The following PCDHGA10 variants were observed in gnomAD, a reference collection of about 807,000 sequenced individuals.
The protein encoded by PCDHGA10 is protocadherin gamma-A10.
In PCDHGA10, 42 loss-of-function variants were observed where a neutral mutation model predicts 59.5. The ratio of observed to expected loss-of-function variants is 0.71; its 90% CI spans 0.55 to 0.91. The LOEUF is 0.91. Among genes scored for constraint, PCDHGA10 ranks in the 40% least tolerant of loss-of-function variants. The pLI is 0.00. For missense variants in PCDHGA10, 1,111 were observed against 1,198.2 expected (o/e 0.93, Z 1.07); for synonymous variants, 511 against 517.2 (o/e 0.99, Z 0.16).
rs924491576 is a variant in PCDHGA10, at chr5:141,491,579, C to T, written c.2437-3228C>T. On this transcript the variant is annotated intron_variant, in intron 1 of 3. Coordinates refer to ENST00000398610, the MANE Select transcript of PCDHGA10 (RefSeq NM_018913.3). This position sits in a 1 kb window ranked among gnomAD's most constrained non-coding sequence, Gnocchi z 6.9. ...CACTGCTACAGGACGTGCTTTTCAC[C>T]GGCCTCGGACGGCAGTGACTTCACT... is the stretch of plus-strand genomic sequence containing the variant. 18 of 1,613,810 alleles carry T rather than the reference C, an allele frequency of 1.1e-5. No homozygotes were observed. Among genetic ancestry groups the T allele is most frequent in the Non-Finnish European group, 1.4e-5 (17 of 1,180,044 alleles).
intron 1 of PCDHGA10, among the ~76,000 whole-genome samples, chr5:141,438,296 A>G (rs902991313): frequency 6.6e-6 from 1 of 152,034 alleles, no homozygotes; most frequent in Non-Finnish European, 1.5e-5. Context: ...CTGTATGTAA[A>G]AGAAGTTGGT....
At chr5:141,461,830 CTT>C (rs1030113508) in intron 1 of PCDHGA10, among the ~76,000 whole-genome samples, 1 of 145,180 alleles carries the variant, frequency 6.9e-6, no homozygotes, top group Non-Finnish European at 1.5e-5. Context: ...ATTTTTTTTT[CTT>C]TTTTTTTTGA....
In PCDHGA10 at chr5:141,491,759, G is replaced by C. The variant is rs746395685; in HGVS notation, c.2437-3048G>C. 3 of 1,575,392 alleles carry C rather than the reference G, an allele frequency of 1.9e-6. No individual in the cohort carries two copies. Among genetic ancestry groups the C allele is most frequent in the Non-Finnish European group, 2.6e-6 (3 of 1,161,808 alleles). ...GGGGGCGGCACTGGAGAAGCCGCCC[G>C]TCCTCATAAGGGATTGAACTTGCAT... On this transcript the variant is annotated intron_variant, in intron 1 of 3. Coordinates refer to ENST00000398610, the MANE Select transcript of PCDHGA10 (RefSeq NM_018913.3). The surrounding 1 kb of genome is among the most constrained non-coding windows in gnomAD (Gnocchi z 6.9).
At position 141,430,919 on chromosome 5, in the gene PCDHGA10, C is replaced by A. The variant is rs377613499; in HGVS notation, c.2436+15308C>A. The A allele has an allele frequency of 6.2e-7, 1 of 1,607,492 alleles. No homozygotes were observed. Among genetic ancestry groups the A allele is most frequent in the Admixed American group, 1.7e-5 (1 of 58,806 alleles). The stretch of plus-strand genomic sequence containing the variant: ...GGGCGACATCTCCAGGGACCTGGGG[C>A]TGGAGCCCCGGGAGCTCGCGGAGCG... On this transcript the variant is annotated intron_variant, in intron 1 of 3. Transcript: ENST00000398610.
At position 141,510,842 on chromosome 5, in the gene PCDHGA10, G is replaced by A. The variant is rs531098325; in HGVS notation, c.2585-105G>A. 8.7e-5 allele frequency: 138 copies of A among 1,590,280 alleles called. No homozygotes were observed. The African/African-American group carries it at 1.7e-3, about 19-fold the overall frequency. ...TATTCCCAGTGCTCAGCGTGGTCAA[G>A]GCCCAGGGTGCTGTATAGGCATTCA... On this transcript the variant is annotated intron_variant, in intron 3 of 3. Coordinates refer to ENST00000398610, the MANE Select transcript of PCDHGA10 (RefSeq NM_018913.3).
At chr5:141,443,499 A>T (rs533910381) in intron 1 of PCDHGA10, among the ~76,000 whole-genome samples, 1 of 152,268 alleles carries the variant, frequency 6.6e-6, no homozygotes, top group African/African-American at 2.4e-5. Context: ...ACAAACAAAC[A>T]AATAAAGAGC....
At chr5:141,492,703 G>A (rs2099743198) in intron 1 of PCDHGA10, among the ~76,000 whole-genome samples, 1 of 152,246 alleles carries the variant, frequency 6.6e-6, no homozygotes, top group Non-Finnish European at 1.5e-5. Flanking sequence ...CAACCCAGAA[G>A]CCTCGAGCAG....
chr5:141,438,623 TATATATATATATACAC>T (rs1207200307), intron 1 of PCDHGA10, among the ~76,000 whole-genome samples: 21 of 42,842 alleles, frequency 4.9e-4, no homozygotes, highest in South Asian at 2.6e-3. Flanking sequence ...TATATATATA[TATATATATATATACAC>T]ACACACACAC....
At chr5:141,421,017 T>TGC (rs1489188484) in intron 1 of PCDHGA10, 1 of 518,776 alleles carries the variant, frequency 1.9e-6, no homozygotes, top group African/African-American at 2.0e-5. Flanking sequence ...AATGGGAAGC[T>TGC]GCGCGCCATT....
chr5:141,423,035 C>T (rs1220219512), intron 1 of PCDHGA10: 2 of 1,614,214 alleles, frequency 1.2e-6, no homozygotes, highest in Admixed American at 3.3e-5. Flanking sequence ...GGCCAGAACG[C>T]CTGGCTGTCC....
chr5:141,415,494 C>T lies in PCDHGA10; in HGVS notation c.2319C>T (p.Ile773=), dbSNP rs377609539. 2.5e-6 allele frequency: 4 copies of T among 1,614,110 alleles called. No homozygotes were observed. The African/African-American group carries it at 4.0e-5, about 16-fold the overall frequency. ...CGGACTCGCGAAAGAGTCACCTGAT[C>T]TTCCCCCAGCCCAATTATGCGGACA... ...LTADSRKSHL[I]FPQPNYADTL... The change falls in exon 1 of 4, where the codon ATC becomes ATT. Residue 773 remains isoleucine, a synonymous_variant. Transcript: ENST00000398610.
In PCDHGA10 at chr5:141,413,469, G is replaced by A. The variant is rs766765319; in HGVS notation, c.294G>A (p.Glu98=). 5 of 1,614,012 alleles carry A rather than the reference G, an allele frequency of 3.1e-6. No individual in the cohort carries two copies. The African/African-American group carries it at 5.3e-5, about 17-fold the overall frequency. The change falls in exon 1 of 4, where the codon GAG becomes GAA. Residue 98 remains glutamate (E), a synonymous_variant. Transcript: ENST00000398610. ...CCGCGGGCAGGATAGACCGGGAGGA[G>A]CTCTGCGCTCAGAGCGCGCGGTGCG... ...LITAGRIDRE[E]LCAQSARCVV...
rs776211508 is a variant in PCDHGA10, at chr5:141,491,001, C to T, written c.2437-3806C>T. On this transcript the variant is annotated intron_variant, in intron 1 of 3. Transcript: ENST00000398610. The surrounding 1 kb of genome is among the most constrained non-coding windows in gnomAD (Gnocchi z 6.9). The stretch of plus-strand genomic sequence containing the variant: ...TCCCTCGCTCTGCTCCTCCTGGCTC[C>T]TTGGTCACCAAGGTGACAGCCGTGG... The T allele has an allele frequency of 6.2e-7, 1 of 1,614,140 alleles. No individual in the cohort carries two copies. Among genetic ancestry groups the T allele is most frequent in the Non-Finnish European group, 8.5e-7 (1 of 1,180,044 alleles).
intron 2 of PCDHGA10, among the ~76,000 whole-genome samples, chr5:141,502,496 C>T (rs934563545): frequency 2.0e-5 from 3 of 152,178 alleles, no homozygotes; most frequent in Admixed American, 6.5e-5. Context: ...ACTCATCTAA[C>T]GTCGGCCTGT....
At chr5:141,509,404 A>C (rs1248030362) in intron 3 of PCDHGA10, among the ~76,000 whole-genome samples, 3 of 152,112 alleles carry the variant, frequency 2.0e-5, no homozygotes, top group Non-Finnish European at 4.4e-5. Context: ...CAGGGCCTCC[A>C]GCAGCGAGCC....
chr5:141,451,740 G>A (rs370710201), intron 1 of PCDHGA10, among the ~76,000 whole-genome samples: 1 of 152,108 alleles, frequency 6.6e-6, no homozygotes, highest in Non-Finnish European at 1.5e-5. Context: ...AAATTAGCTG[G>A]TCTGGTGGTG....
In PCDHGA10 at chr5:141,431,985, T is replaced by A. The variant is rs1354693325; in HGVS notation, c.2436+16374T>A. 1 of 1,614,202 alleles carries A rather than the reference T, an allele frequency of 6.2e-7. No homozygotes were observed. The highest frequency in any genetic ancestry group is 1.7e-5 in the Admixed American group (1 of 60,030). ...TACTATAGTTTAGTCACAGACATAG[T>A]CTTGGATAGGGAACAGGTTCCTAGC... On this transcript the variant is annotated intron_variant, in intron 1 of 3. Coordinates refer to ENST00000398610, the MANE Select transcript of PCDHGA10 (RefSeq NM_018913.3). This position sits in a 1 kb window ranked among gnomAD's most constrained non-coding sequence, Gnocchi z 4.8.
Position 141,415,447 on chromosome 5 carries a change from T to C in PCDHGA10, c.2272T>C (p.Ser758Pro). 1 of 1,614,200 alleles carries C rather than the reference T, an allele frequency of 6.2e-7. No homozygotes were observed. Among genetic ancestry groups the C allele is most frequent in the South Asian group, 1.1e-5 (1 of 91,076 alleles). ...GGTTCGGGCTTTCCTGCAGACCTAT[T>C]CCCACGAGGTCTCTCTCACCGCGGA... ...DGVRAFLQTY[S>P]HEVSLTADSR... Residue 758 changes from serine (S) to proline (P), a missense_variant, in exon 1 of 4, where the codon TCC (serine) becomes CCC (proline). By Grantham distance (74) the Ser-to-Pro change is moderately conservative (BLOSUM62 -1). Transcript: ENST00000398610.
At position 141,491,692 on chromosome 5, in the gene PCDHGA10, C is replaced by A. The variant is rs749349869; in HGVS notation, c.2437-3115C>A. The A allele has an allele frequency of 6.2e-7, 1 of 1,612,592 alleles. No homozygotes were observed. Among genetic ancestry groups the A allele is most frequent in the Non-Finnish European group, 8.5e-7 (1 of 1,179,338 alleles). On this transcript the variant is annotated intron_variant, in intron 1 of 3. Coordinates refer to ENST00000398610, the MANE Select transcript of PCDHGA10 (RefSeq NM_018913.3). This position sits in a 1 kb window ranked among gnomAD's most constrained non-coding sequence, Gnocchi z 6.9. ...GTCCCGCTCTAATACGCTGCGGGAG[C>A]GGAGCCAGGTGAGGGGCTCGGCGCC...
Sources: gnomAD v4.1 joint callset for allele counts (sites outside exome capture counted in the v4.1 genomes callset) on GRCh38, gnomAD v4.1.1 for gene constraint, Gnocchi (gnomAD v3.1) non-coding constraint, MANE v1.5 for transcripts, NCBI Gene and HGNC (gene_info 2026-07-23, HGNC 2026-07-21) for gene names.